Variants in FOXP1 observed in about 807,000 individuals in gnomAD.
FOXP1 encodes the protein forkhead box P1.
Under a neutral mutation model 98.2 loss-of-function variants are expected in FOXP1, and 15 were observed. That is an observed-to-expected ratio of 0.15 (90% confidence interval 0.10 to 0.24). The LOEUF is 0.24. Ranked by LOEUF, FOXP1 falls within the 10% of genes least tolerant of loss-of-function variation. The pLI, the probability that FOXP1 is intolerant of heterozygous loss-of-function variation, is 1.00. For synonymous variants in FOXP1, 371 were observed against 314.5 expected (o/e 1.18, Z -1.90); for missense variants, 633 against 848.5 (o/e 0.75, Z 3.15).
chr3:71,174,116 T>C (rs2108234406), intron 6 of FOXP1, among the ~76,000 whole-genome samples: 1 of 152,358 alleles, frequency 6.6e-6, no homozygotes, highest in South Asian at 2.1e-4. Flanking sequence ...ATGTAAGATC[T>C]ATAGCTGCTT....
chr3:71,255,113 G>A (rs1410270345), intron 5 of FOXP1, among the ~76,000 whole-genome samples: 3 of 152,126 alleles, frequency 2.0e-5, no homozygotes, highest in Non-Finnish European at 4.4e-5. Flanking sequence ...GTAGTTTCAT[G>A]GCCAAAATCT....
In FOXP1 at chr3:71,528,827, G is replaced by A. The variant is rs1010373146; in HGVS notation, c.-297-35272C>T. Among the ~76,000 whole-genome samples, 4 of 152,200 alleles carry A rather than the reference G, an allele frequency of 2.6e-5. No homozygotes were observed. The South Asian group carries it at 6.2e-4, about 24-fold the overall frequency. ...AAAGACACAGCTTTGGCCTGAAGGTGGGGGTTAGGTATGAAAGAAGGAAAA... is the reference window on the plus strand; with the variant it reads ...AAAGACACAGCTTTGGCCTGAAGGTAGGGGTTAGGTATGAAAGAAGGAAAA... On this transcript the variant is annotated intron_variant, in intron 2 of 20. Coordinates refer to ENST00000649528, the MANE Select transcript of FOXP1 (RefSeq NM_001349338.3).
intron 2 of FOXP1, among the ~76,000 whole-genome samples, chr3:71,566,528 A>G (rs1005277394): frequency 6.6e-6 from 1 of 152,230 alleles, no homozygotes; most frequent in Non-Finnish European, 1.5e-5. Flanking sequence ...GTGAAAATTA[A>G]GGTTGTTGTG....
At chr3:71,197,564 C>T (rs2063369589) in intron 6 of FOXP1, among the ~76,000 whole-genome samples, 1 of 152,096 alleles carries the variant, frequency 6.6e-6, no homozygotes, top group South Asian at 2.1e-4. Context: ...TTTGGGGAGG[C>T]ACCAATAAGA....
Position 71,536,097 on chromosome 3 carries a change from G to A in FOXP1, c.-297-42542C>T, listed in dbSNP as rs188605318. Among the ~76,000 whole-genome samples the A allele has an allele frequency of 4.5e-4, 68 of 152,198 alleles. No individual in the cohort carries two copies. In the East Asian group the frequency reaches 0.01, roughly 23 times the overall value. ...AAATAAAGCACAGTCAAAACACAACGAGACACAAGAAGAGTGACACAGAGA... is the reference window on the plus strand; with the variant it reads ...AAATAAAGCACAGTCAAAACACAACAAGACACAAGAAGAGTGACACAGAGA... On this transcript the variant is annotated intron_variant, in intron 2 of 20. Coordinates refer to ENST00000649528, the MANE Select transcript of FOXP1 (RefSeq NM_001349338.3).
At chr3:71,301,373 T>C (rs1199594851) in intron 4 of FOXP1, among the ~76,000 whole-genome samples, 3 of 152,126 alleles carry the variant, frequency 2.0e-5, no homozygotes, top group Non-Finnish European at 4.4e-5. Flanking sequence ...GTCCTCAAGG[T>C]AGAGCTAAGA....
At chr3:71,384,639 G>C (rs746950820) in intron 3 of FOXP1, among the ~76,000 whole-genome samples, 12 of 152,194 alleles carry the variant, frequency 7.9e-5, no homozygotes, top group Admixed American at 2.6e-4. Context: ...GTTGACACTG[G>C]TATGAGGACC....
At chr3:71,553,954 T>C (rs2045947751) in intron 2 of FOXP1, among the ~76,000 whole-genome samples, 1 of 152,218 alleles carries the variant, frequency 6.6e-6, no homozygotes, top group Non-Finnish European at 1.5e-5. Context: ...AATTATAAAA[T>C]ATATGGTCAC....
chr3:71,181,485 C>A (rs547712067), intron 6 of FOXP1, among the ~76,000 whole-genome samples: 31 of 152,352 alleles, frequency 2.0e-4, no homozygotes, highest in African/African-American at 7.2e-4. Context: ...ACTTGCCCAA[C>A]TTCACTCATC....
At chr3:71,328,997 A>C (rs1376845533) in intron 4 of FOXP1, among the ~76,000 whole-genome samples, 15 of 150,676 alleles carry the variant, frequency 1.0e-4, no homozygotes, top group Non-Finnish European at 1.9e-4. Context: ...AAACAAAAAA[A>C]AAAAAACTGA....
chr3:71,373,472 A>G (rs1314598446), intron 3 of FOXP1, among the ~76,000 whole-genome samples: 1 of 152,222 alleles, frequency 6.6e-6, no homozygotes, highest in Non-Finnish European at 1.5e-5. Context: ...CAGCCAAAGC[A>G]TTGGTTAGAA....
chr3:70,967,301 C>G (rs183530317), intron 19 of FOXP1, among the ~76,000 whole-genome samples: 197 of 152,292 alleles, frequency 1.3e-3, no homozygotes, highest in African/African-American at 4.7e-3. Flanking sequence ...GCCTCACTCA[C>G]TGTACAAACC....
At chr3:71,057,142 A>G (rs925067816) in intron 7 of FOXP1, among the ~76,000 whole-genome samples, 1 of 152,176 alleles carries the variant, frequency 6.6e-6, no homozygotes, top group Non-Finnish European at 1.5e-5. Flanking sequence ...GCACTGAGAA[A>G]TATGGCCAAA....
intron 3 of FOXP1, among the ~76,000 whole-genome samples, chr3:71,460,335 A>C (rs1335428824): frequency 6.6e-6 from 1 of 151,588 alleles, no homozygotes; most frequent in African/African-American, 2.4e-5. Context: ...CACCTCCTGG[A>C]TTCAAGCGAT....
chr3:71,411,224 TC>T (rs2082702625), intron 3 of FOXP1, among the ~76,000 whole-genome samples: 1 of 151,754 alleles, frequency 6.6e-6, no homozygotes. Context: ...CTGCTCCAGT[TC>T]CCCCTCCAGA....
rs180900702 is a variant in FOXP1, at chr3:71,051,778, C to T, written c.510+759G>A. ...TACTCCCACAACTGAGTCTCACCCA[C>T]GCAGAACTGAATAGAAGGTGAACTG... On this transcript the variant is annotated intron_variant, in intron 9 of 20. Transcript: ENST00000649528. Among the ~76,000 whole-genome samples, 354 of 152,244 alleles carry T rather than the reference C, an allele frequency of 2.3e-3. 2 individuals carry two copies. Among genetic ancestry groups the T allele is most frequent in the Non-Finnish European group, 3.8e-4 (26 of 68,002 alleles).
At chr3:71,336,138 CA>C (rs2076664350) in intron 4 of FOXP1, among the ~76,000 whole-genome samples, 1 of 147,626 alleles carries the variant, frequency 6.8e-6, no homozygotes, top group Admixed American at 6.8e-5. Flanking sequence ...GGAGCGAATG[CA>C]AAGAAGTTAC....
At chr3:71,178,824 C>G (rs2062104095) in intron 6 of FOXP1, among the ~76,000 whole-genome samples, 1 of 151,554 alleles carries the variant, frequency 6.6e-6, no homozygotes, top group East Asian at 2.0e-4. Context: ...GCGGAGCTTG[C>G]AGTGAGCCAA....
rs1575644359 is a variant in FOXP1, at chr3:70,958,169, T to C, written c.*1078A>G. 2 of 390,194 alleles carry C rather than the reference T, an allele frequency of 5.1e-6. No individual in the cohort carries two copies. The highest frequency in any genetic ancestry group is 2.6e-5 in the South Asian group (1 of 38,498). The allele number at this position is 390,194 out of a possible 1,614,324, so 24.2% of individuals were successfully genotyped here. A position where few individuals can be genotyped will look rare whatever the true frequency, so the allele number is the denominator to read the frequency against. ...CCTATGTTTCCTTGTGCTGGTAGAA[T>C]GTGGTGGCATTTATTAATGGTTGCT... On this transcript the variant is annotated 3_prime_UTR_variant, in exon 21 of 21. Coordinates refer to ENST00000649528, the MANE Select transcript of FOXP1 (RefSeq NM_001349338.3).
Sources: gnomAD v4.1 joint callset for allele counts (sites outside exome capture counted in the v4.1 genomes callset) on GRCh38, gnomAD v4.1.1 for gene constraint, MANE v1.5 for transcripts, NCBI Gene and HGNC (gene_info 2026-07-23, HGNC 2026-07-21) for gene names.